The following PDE12 variants were observed in gnomAD, a reference collection of about 807,000 sequenced individuals.
PDE12 encodes the protein 2',5'-phosphodiesterase 12.
In PDE12, 26 loss-of-function variants were observed where a neutral mutation model predicts 45.4. The ratio of observed to expected loss-of-function variants is 0.57; its 90% CI spans 0.42 to 0.79. PDE12 has a LOEUF of 0.79. PDE12 is among the 30% of genes least tolerant of loss of function. The pLI is 0.00. For missense variants in PDE12, 668 were observed against 790.0 expected, an observed-to-expected ratio of 0.85 and a Z score of 1.85; for synonymous variants, 283 against 323.9, an observed-to-expected ratio of 0.87 and a Z score of 1.36.
the PDE12 span, among the ~76,000 whole-genome samples, chr3:57,648,170 T>C: frequency 6.6e-6 from 1 of 152,180 alleles, no homozygotes; most frequent in Non-Finnish European, 1.5e-5. Flanking sequence ...AGTTTCCGAA[T>C]ACAAAATTAA....
chr3:57,600,571 G>A, the PDE12 span, among the ~76,000 whole-genome samples: 1 of 150,818 alleles, frequency 6.6e-6, no homozygotes, highest in Non-Finnish European at 1.5e-5. Context: ...GCTATTTTAT[G>A]TATTTTTGGT....
At chr3:57,645,673 C>T in the PDE12 span, 4,166 of 1,610,076 alleles carry the variant, frequency 2.6e-3, 11 homozygotes, top group Non-Finnish European at 3.0e-3. Flanking sequence ...AGCTTGGGTA[C>T]GGGTAGTATA....
At chr3:57,592,605 A>G in the PDE12 span, among the ~76,000 whole-genome samples, 2 of 152,186 alleles carry the variant, frequency 1.3e-5, no homozygotes, top group Non-Finnish European at 2.9e-5. Flanking sequence ...AGAAACATCT[A>G]CATTTTTATC....
Position 57,556,818 on chromosome 3 carries a change from G to T in PDE12, c.439G>T (p.Val147Leu), listed in dbSNP as rs754276374. Residue 147 changes from valine (V) to leucine (L), a missense_variant, in exon 1 of 3, where the codon GTG (valine) becomes TTG (leucine). By Grantham distance (32) the Val-to-Leu change is conservative (BLOSUM62 1). Transcript: ENST00000311180. This position sits in a 1 kb window ranked among gnomAD's most constrained non-coding sequence, Gnocchi z 5.0. ...LNVDAWQDGA[V>L]LQIGDVKYKV... Reference sequence around the variant, plus strand: ...CGTGGATGCCTGGCAAGACGGCGCGGTGCTGCAGATCGGCGATGTTAAGTA... The same window carrying T: ...CGTGGATGCCTGGCAAGACGGCGCGTTGCTGCAGATCGGCGATGTTAAGTA... 5.6e-6 allele frequency: 9 copies of T among 1,613,710 alleles called. 1 individual carries two copies. In the South Asian group the frequency reaches 9.9e-5, roughly 18 times the overall value.
chr3:57,561,205 TACAGC>T lies in PDE12; in HGVS notation c.*1205_*1209del. On this transcript the variant is annotated 3_prime_UTR_variant, in exon 3 of 3. Coordinates refer to ENST00000311180, the MANE Select transcript of PDE12 (RefSeq NM_177966.7). The stretch of plus-strand genomic sequence containing the variant: ...TATTTGACCATATGATATTAGAAAA[TACAGC>T]ACATTACTTTATGAGAAACTACCTA... 1.0e-6 allele frequency: 1 copy of T among 984,574 alleles called. No individual in the cohort carries two copies. The highest frequency in any genetic ancestry group is 1.2e-6 in the Non-Finnish European group (1 of 828,806). 61.0% of individuals were successfully genotyped at this position (984,574 alleles called of 1,614,324 possible).
chr3:57,656,375 G>C, the PDE12 span, among the ~76,000 whole-genome samples: 5 of 152,078 alleles, frequency 3.3e-5, no homozygotes, highest in South Asian at 2.1e-4. Flanking sequence ...TTTAACTGCT[G>C]AATAGTATTC....
the PDE12 span, chr3:57,641,557 G>T: frequency 9.5e-7 from 1 of 1,047,300 alleles, no homozygotes; most frequent in Non-Finnish European, 1.4e-6. Flanking sequence ...CTTGAAGAAA[G>T]CTGCCATCAA....
the PDE12 span, among the ~76,000 whole-genome samples, chr3:57,606,339 T>C: frequency 6.6e-6 from 1 of 152,034 alleles, no homozygotes; most frequent in Non-Finnish European, 1.5e-5. Context: ...CATCTTAAAA[T>C]AGGGAAAGTA....
the PDE12 span, among the ~76,000 whole-genome samples, chr3:57,573,201 C>CA: frequency 0.44 from 54,605 of 125,484 alleles, 12,249 homozygotes; most frequent in South Asian, 0.6. Context: ...GACTCCATCT[C>CA]AAAAAAAAAA....
chr3:57,653,101 G>A, the PDE12 span, among the ~76,000 whole-genome samples: 1 of 152,192 alleles, frequency 6.6e-6, no homozygotes, highest in Non-Finnish European at 1.5e-5. Flanking sequence ...CAAGTCGCCA[G>A]CTTACTACCA....
the PDE12 span, among the ~76,000 whole-genome samples, chr3:57,603,881 C>A: frequency 7.2e-5 from 11 of 152,040 alleles, no homozygotes; most frequent in Admixed American, 4.6e-4. Flanking sequence ...CTCAGCCTCC[C>A]AAAGTGCTGG....
the PDE12 span, among the ~76,000 whole-genome samples, chr3:57,625,259 A>G: frequency 6.6e-6 from 1 of 152,210 alleles, no homozygotes; most frequent in Non-Finnish European, 1.5e-5. Context: ...AAAGATATGA[A>G]GTCACTTAAC....
the PDE12 span, chr3:57,641,770 A>G: frequency 2.5e-6 from 4 of 1,579,062 alleles, no homozygotes; most frequent in Admixed American, 1.8e-5. Flanking sequence ...AAACAAAACA[A>G]AATAAAAAAG....
the PDE12 span, among the ~76,000 whole-genome samples, chr3:57,604,664 A>G: frequency 1.4e-5 from 2 of 145,706 alleles, no homozygotes; most frequent in Admixed American, 1.4e-4. Flanking sequence ...CCAGGCTGGA[A>G]TGCAGTGGTA....
the PDE12 span, chr3:57,631,239 C>T: frequency 5.4e-6 from 2 of 370,924 alleles, no homozygotes; most frequent in Admixed American, 4.4e-5. Flanking sequence ...TTCTGTTGCG[C>T]AGGCTGGAGT....
chr3:57,594,903 A>C, the PDE12 span, among the ~76,000 whole-genome samples: 472 of 152,348 alleles, frequency 3.1e-3, 2 homozygotes, highest in African/African-American at 0.011. Flanking sequence ...GTTCATGCAC[A>C]TATCTCCCTC....
Position 57,559,676 on chromosome 3 carries a change from C to T in PDE12, c.1502C>T (p.Pro501Leu). Residue 501 changes from proline (P) to leucine (L), a missense_variant, in exon 3 of 3, where the codon CCA becomes CTA. Pro to Leu is a moderately conservative substitution (Grantham distance 98). This residue lies in a region of PDE12 where 580 missense variants were observed against 662.9 expected (regional missense o/e 0.87). Transcript: ENST00000311180. ...TTTTGTGGGGACTTTAATAGTACAC[C>T]ATCAACAGGAATGTATCATTTTGTC... ...VIFCGDFNSTPSTGMYHFVIN... is the reference protein window; with the variant it reads ...VIFCGDFNSTLSTGMYHFVIN... The T allele has an allele frequency of 1.9e-6, 3 of 1,614,126 alleles. No homozygotes were observed. The highest frequency in any genetic ancestry group is 2.5e-6 in the Non-Finnish European group (3 of 1,180,026).
chr3:57,604,614 TTTTGG>T, the PDE12 span, among the ~76,000 whole-genome samples: 1 of 32,996 alleles, frequency 3.0e-5, no homozygotes, highest in East Asian at 2.4e-3. Context: ...TTTTTTTTTT[TTTTGG>T]GGGGGGTGGG....
At chr3:57,619,919 C>A in the PDE12 span, among the ~76,000 whole-genome samples, 1 of 151,374 alleles carries the variant, frequency 6.6e-6, no homozygotes, top group South Asian at 2.1e-4. Flanking sequence ...CAGCTAGTAT[C>A]ATAATTAGTG....
Sources: allele counts gnomAD v4.1 joint callset (sites outside exome capture counted in the v4.1 genomes callset), GRCh38; gene constraint gnomAD v4.1.1; regional missense constraint gnomAD v4.1.1; non-coding constraint Gnocchi (gnomAD v3.1); transcripts MANE v1.5; gene names NCBI Gene and HGNC (gene_info 2026-07-23, HGNC 2026-07-21).